Variants in ITFG2 observed in about 807,000 individuals in gnomAD.
The protein encoded by ITFG2 is integrin alpha FG-GAP repeat containing 2.
In ITFG2, 36 loss-of-function variants were observed where a neutral mutation model predicts 54.4. The observed-to-expected ratio is 0.66, with a 90% CI of 0.51 to 0.87. ITFG2 has a LOEUF of 0.87. Ranked by LOEUF, ITFG2 falls within the 40% of genes least tolerant of loss-of-function variation. The pLI is 0.00. For synonymous variants in ITFG2, 211 were observed against 225.4 expected, an observed-to-expected ratio of 0.94 and a Z score of 0.57; for missense variants, 524 against 576.7, an observed-to-expected ratio of 0.91 and a Z score of 0.94.
rs764892114 is a variant in ITFG2, at chr12:2,824,279, A to G, written c.*86A>G. On this transcript the variant is annotated 3_prime_UTR_variant, in exon 12 of 12. Transcript: ENST00000228799. ...TATCTGTGGTATTGGCAGGATAGGG[A>G]ATATGCATTACAGAAATGCAGGATT... The G allele has an allele frequency of 1.5e-6, 2 of 1,327,006 alleles. No individual in the cohort carries two copies. Among genetic ancestry groups the G allele is most frequent in the South Asian group, 2.4e-5 (2 of 84,168 alleles). 82.2% of individuals were successfully genotyped at this position (1,327,006 alleles called of 1,614,324 possible). A position where few individuals can be genotyped will look rare whatever the true frequency, so the allele number is the denominator to read the frequency against.
chr12:2,853,867 C>A (rs1445620718), intron 2 of ITFG2, among the ~76,000 whole-genome samples: 1 of 152,128 alleles, frequency 6.6e-6, no homozygotes, highest in Admixed American at 6.6e-5. Flanking sequence ...CTCAGCCCTG[C>A]CTGGAGGGGC....
At chr12:2,832,095 C>A (rs928543959), upstream of ITFG2, among the ~76,000 whole-genome samples, 2 of 152,072 alleles carry the variant, frequency 1.3e-5, no homozygotes, top group Middle Eastern at 3.2e-3. Context: ...AACATCATTT[C>A]GAAGCCTCTT....
chr12:2,835,702 GAT>G (rs2098025701), upstream of ITFG2, among the ~76,000 whole-genome samples: 1 of 152,178 alleles, frequency 6.6e-6, no homozygotes, highest in South Asian at 2.1e-4. Flanking sequence ...TAAAGAATAA[GAT>G]AACCAGTACT....
At chr12:2,858,352 G>C (rs1017580544) in intron 3 of ITFG2, 2 of 402,728 alleles carry the variant, frequency 5.0e-6, no homozygotes, top group African/African-American at 4.0e-5. Flanking sequence ...GCTGGGCAGA[G>C]AATGGAAACA....
rs865809314 is a variant in ITFG2, at chr12:2,823,626, C to A, written c.1067-144C>A. 10 of 1,029,204 alleles carry A rather than the reference C, an allele frequency of 9.7e-6. No individual in the cohort carries two copies. The Middle Eastern group carries it at 1.7e-3, about 180-fold the overall frequency. The allele number at this position is 1,029,204 out of a possible 1,614,324, so 63.8% of individuals were successfully genotyped here. ...CTTACTTGTTTTACTGAGTTCCCAACAGAGAAGAAATAACCTTTAATTTTT... is the reference window on the plus strand; with the variant it reads ...CTTACTTGTTTTACTGAGTTCCCAAAAGAGAAGAAATAACCTTTAATTTTT... On this transcript the variant is annotated intron_variant, in intron 10 of 11. Transcript: ENST00000228799.
At position 2,818,197 on chromosome 12, in the gene ITFG2, C is replaced by T; in HGVS notation, c.326C>T (p.Thr109Ile). 6.2e-7 allele frequency: 1 copy of T among 1,614,138 alleles called. No homozygotes were observed. ...TTGGATGCTTCTGGGCACCACGAGACACTAATCGGAGAGGAGCAGCGTCCA... is the reference window on the plus strand; with the variant it reads ...TTGGATGCTTCTGGGCACCACGAGATACTAATCGGAGAGGAGCAGCGTCCA... ...KVLDASGHHE[T>I]LIGEEQRPVF... Residue 109 changes from threonine (T) to isoleucine (I), a missense_variant, in exon 4 of 12, where the codon ACA becomes ATA. Thr to Ile is a moderately conservative substitution (Grantham distance 89). Transcript: ENST00000228799.
chr12:2,819,938 C>T (rs1482712820), intron 4 of ITFG2, 148 bp from the exon 5 acceptor site: 5 of 981,716 alleles, frequency 5.1e-6, no homozygotes, highest in South Asian at 4.1e-5. Flanking sequence ...GCCGCAAACA[C>T]AGGCAGGGGC....
intron 2 of ITFG2, among the ~76,000 whole-genome samples, chr12:2,848,560 A>G (rs980788340): frequency 6.6e-6 from 1 of 150,984 alleles, no homozygotes; most frequent in Non-Finnish European, 1.5e-5. Context: ...ACTTTGTTCT[A>G]CTCTTGTTCC....
intron 1 of ITFG2, among the ~76,000 whole-genome samples, chr12:2,816,023 C>A (rs988068476): frequency 1.3e-5 from 2 of 150,746 alleles, no homozygotes; most frequent in African/African-American, 4.9e-5. Flanking sequence ...CACCACCACA[C>A]CTGGATAATT....
chr12:2,853,717 C>T (rs918829731), intron 2 of ITFG2, among the ~76,000 whole-genome samples: 1 of 152,182 alleles, frequency 6.6e-6, no homozygotes, highest in Non-Finnish European at 1.5e-5. Flanking sequence ...TTGCCTTCCC[C>T]CTTTCTTGTT....
In ITFG2 at chr12:2,812,668, G is replaced by C; in HGVS notation, c.-93G>C. 3.1e-6 allele frequency: 3 copies of C among 973,702 alleles called. No homozygotes were observed. Among genetic ancestry groups the C allele is most frequent in the Non-Finnish European group, 4.9e-6 (3 of 608,820 alleles). The allele number at this position is 973,702 out of a possible 1,614,324, so 60.3% of individuals were successfully genotyped here. ...GGTTCAGGCAGTGACGTAACTTGCT[G>C]CCTTAGGTGGCCTTCCGCTCTGGCG... On this transcript the variant is annotated 5_prime_UTR_variant, in exon 1 of 12. Coordinates refer to ENST00000228799, the MANE Select transcript of ITFG2 (RefSeq NM_018463.4).
upstream of ITFG2, chr12:2,835,669 G>A (rs1348187812): frequency 1.3e-5 from 2 of 152,104 alleles, no homozygotes; most frequent in Non-Finnish European, 1.5e-5. Flanking sequence ...AAAAAATGTT[G>A]CATTTCAAAT....
chr12:2,812,913 G>A (rs968889541), intron 1 of ITFG2, 57 bp downstream of exon 1: 2 of 1,471,714 alleles, frequency 1.4e-6, no homozygotes, highest in Admixed American at 1.7e-5. Flanking sequence ...CGGGGCAAGG[G>A]AAGTGGAAGA....
intron 2 of ITFG2, among the ~76,000 whole-genome samples, chr12:2,842,132 T>TC (rs1367283437): frequency 1.4e-5 from 2 of 142,410 alleles, no homozygotes; most frequent in Non-Finnish European, 3.1e-5. Flanking sequence ...TTTTTTTTTT[T>TC]TTTTTTTGAG....
chr12:2,824,258 T>C lies in ITFG2; in HGVS notation c.*65T>C. On this transcript the variant is annotated 3_prime_UTR_variant, in exon 12 of 12. Transcript: ENST00000228799. ...CCCCACCCTACCCCCTAAAGGTATC[T>C]GTGGTATTGGCAGGATAGGGAATAT... 6.7e-7 allele frequency: 1 copy of C among 1,489,660 alleles called. No homozygotes were observed. The highest frequency in any genetic ancestry group is 9.4e-7 in the Non-Finnish European group (1 of 1,068,004). 92.3% of individuals were successfully genotyped at this position (1,489,660 alleles called of 1,614,324 possible). A position where few individuals can be genotyped will look rare whatever the true frequency, so the allele number is the denominator to read the frequency against.
chr12:2,822,958 T>C, intron 10 of ITFG2, 47 bp downstream of exon 10: 1 of 1,362,880 alleles, frequency 7.3e-7, no homozygotes, highest in East Asian at 2.3e-5. Flanking sequence ...TTAAGTTAGA[T>C]AGGCGTGTTA....
At chr12:2,854,452 C>T (rs2098080969) in intron 2 of ITFG2, among the ~76,000 whole-genome samples, 1 of 152,222 alleles carries the variant, frequency 6.6e-6, no homozygotes, top group South Asian at 2.1e-4. Flanking sequence ...AGCTGGGCAC[C>T]TCACCATGGT....
At chr12:2,849,209 AT>A (rs1233814310) in intron 2 of ITFG2, 2 of 1,525,344 alleles carry the variant, frequency 1.3e-6, no homozygotes, top group Admixed American at 2.0e-5. Flanking sequence ...GGGTATCACG[AT>A]CGTCCCCTCT....
At chr12:2,830,626 CAG>C in intron 2 of ITFG2, 1 of 1,435,694 alleles carries the variant, frequency 7.0e-7, no homozygotes, top group Non-Finnish European at 9.4e-7. Flanking sequence ...CCTCTCCCAT[CAG>C]GGCAGAGCAG....
Sources: gnomAD v4.1 joint callset for allele counts (sites outside exome capture counted in the v4.1 genomes callset) on GRCh38, gnomAD v4.1.1 for gene constraint, MANE v1.5 for transcripts, NCBI Gene and HGNC (gene_info 2026-07-23, HGNC 2026-07-21) for gene names.